Variants in SRPX observed in about 807,000 individuals in gnomAD.
The protein encoded by SRPX is sushi repeat-containing protein SRPX.
Under a neutral mutation model 38.1 loss-of-function variants are expected in SRPX, and 24 were observed. That is an observed-to-expected ratio of 0.63 (90% CI 0.46 to 0.89). The LOEUF (loss-of-function observed/expected upper bound fraction) is 0.89. Ranked by LOEUF, SRPX falls within the 40% of genes least tolerant of loss-of-function variation. SRPX has a pLI of 0.00. For missense variants in SRPX, 416 were observed against 377.8 expected (o/e 1.10, Z -0.84); for synonymous variants, 184 against 153.8 (o/e 1.20, Z -1.45).
Position 38,154,573 on chromosome X carries a change from C to T in SRPX, c.1100G>A (p.Cys367Tyr). Residue 367 changes from cysteine (C) to tyrosine (Y), a missense_variant, in exon 9 of 10, where the codon TGT becomes TAT. Cys to Tyr is a radical substitution (Grantham distance 194). Coordinates refer to ENST00000378533, the MANE Select transcript of SRPX (RefSeq NM_006307.5). ...LQLGMLQQAQ[C>Y]GLDLRHITVV... ...GGTGATGTGTCGAAGATCAAGGCCA[C>T]ACTGTGCTTGCTGGGAAAAAGAAAA... The T allele has an allele frequency of 8.3e-7, 1 of 1,208,822 alleles. No homozygotes were observed. The highest frequency in any genetic ancestry group is 1.1e-6 in the Non-Finnish European group (1 of 894,293).
chrX:38,200,035 C>T (rs1024451264), intron 1 of SRPX, among the ~76,000 whole-genome samples: 1 of 112,175 alleles, frequency 8.9e-6, no homozygotes, highest in Non-Finnish European at 1.9e-5. Context: ...TTTCAGATGT[C>T]TGCTCAAAAT....
chrX:38,175,221 C>G (rs1055497165), intron 2 of SRPX, among the ~76,000 whole-genome samples: 2 of 111,977 alleles, frequency 1.8e-5, no homozygotes, highest in African/African-American at 6.5e-5. Context: ...TGATGGGGAA[C>G]AGTGAGGAGT....
In SRPX at chrX:38,154,544, C is replaced by T. The variant is rs1938094599; in HGVS notation, c.1129G>A (p.Val377Met). The T allele has an allele frequency of 8.3e-7, 1 of 1,208,402 alleles. No homozygotes were observed. The highest frequency in any genetic ancestry group is 1.1e-6 in the Non-Finnish European group (1 of 893,923). The change falls in exon 9 of 10, where the codon GTG becomes ATG. Residue 377 changes from valine (V) to methionine (M), a missense_variant. Coordinates refer to ENST00000378533, the MANE Select transcript of SRPX (RefSeq NM_006307.5). ...GTCGGGAACACACCCACCAGCTCCA[C>T]CACGGTGATGTGTCGAAGATCAAGG... ...CGLDLRHITV[V>M]ELVGVFPTLI...
chrX:38,194,011 T>G (rs941210781), intron 1 of SRPX, among the ~76,000 whole-genome samples: 1 of 111,764 alleles, frequency 8.9e-6, no homozygotes, highest in Admixed American at 9.5e-5. Flanking sequence ...AACTGAGCTT[T>G]AATTTCCATG....
intron 3 of SRPX, 137 bp from the exon 4 acceptor site, chrX:38,172,194 C>A: frequency 1.5e-6 from 1 of 648,173 alleles, no homozygotes; most frequent in Non-Finnish European, 2.3e-6. Context: ...TGGCTCACTC[C>A]TGTAATCCCA....
chrX:38,156,143 G>T (rs976756400), intron 8 of SRPX, among the ~76,000 whole-genome samples: 16 of 111,894 alleles, frequency 1.4e-4, no homozygotes, highest in African/African-American at 5.2e-4. Context: ...CATACATCCT[G>T]CCTCTTTAGT....
intron 1 of SRPX, among the ~76,000 whole-genome samples, chrX:38,184,048 G>C (rs113785681): frequency 0.014 from 1,502 of 110,992 alleles, 36 homozygotes; most frequent in African/African-American, 0.047. Flanking sequence ...TAAGATCATC[G>C]AGGCACCAAA....
chrX:38,167,779 G>C (rs1430766867), intron 4 of SRPX, among the ~76,000 whole-genome samples: 4 of 109,681 alleles, frequency 3.6e-5, no homozygotes, highest in African/African-American at 1.3e-4. Flanking sequence ...CTTTTTTTTC[G>C]AGACAGGCTC....
chrX:38,219,793 T>C (rs1939482562), intron 1 of SRPX, among the ~76,000 whole-genome samples: 1 of 111,757 alleles, frequency 8.9e-6, no homozygotes, highest in Non-Finnish European at 1.9e-5. Context: ...TCACCCACTT[T>C]CCCATTAACA....
At chrX:38,213,166 A>C (rs1030693865) in intron 1 of SRPX, among the ~76,000 whole-genome samples, 1 of 112,153 alleles carries the variant, frequency 8.9e-6, no homozygotes, top group Non-Finnish European at 1.9e-5. Context: ...ATTGTAGGCA[A>C]ATCTATAGAG....
intron 4 of SRPX, among the ~76,000 whole-genome samples, chrX:38,171,494 G>C (rs757614136): frequency 1.8e-5 from 2 of 111,589 alleles, no homozygotes; most frequent in Non-Finnish European, 3.8e-5. Context: ...GACCACCAGA[G>C]TCAATGACAA....
At chrX:38,202,502 C>T (rs1030305826) in intron 1 of SRPX, among the ~76,000 whole-genome samples, 1 of 111,525 alleles carries the variant, frequency 9.0e-6, no homozygotes, top group Admixed American at 9.5e-5. Context: ...CCAAAGCATG[C>T]AGCAGGACAT....
chrX:38,175,413 C>T (rs1401273917), intron 2 of SRPX, among the ~76,000 whole-genome samples: 1 of 112,428 alleles, frequency 8.9e-6, no homozygotes, highest in Non-Finnish European at 1.9e-5. Context: ...GAGGATATGC[C>T]TCCAACTGCT....
chrX:38,196,979 G>A (rs1421175081), intron 1 of SRPX, among the ~76,000 whole-genome samples: 1 of 111,756 alleles, frequency 8.9e-6, no homozygotes, highest in Non-Finnish European at 1.9e-5. Flanking sequence ...AAGCCTCTAA[G>A]ACATGTGGAC....
chrX:38,211,552 T>C (rs1939320898), intron 1 of SRPX, among the ~76,000 whole-genome samples: 1 of 110,394 alleles, frequency 9.1e-6, no homozygotes, highest in African/African-American at 3.3e-5. Flanking sequence ...ACACAAAAAT[T>C]AGATAGGTGT....
In SRPX at chrX:38,174,284, T is replaced by G; in HGVS notation, c.225A>C (p.Gly75=). ...GDVYCRAPQG[G]YYKTALGTRC... Reference sequence around the variant, plus strand: ...TGGTTCCCAGGGCTGTTTTGTAGTATCCTCCTTGAGGGGCCCTGCAGTACA... The same window carrying G: ...TGGTTCCCAGGGCTGTTTTGTAGTAGCCTCCTTGAGGGGCCCTGCAGTACA... Residue 75 remains glycine, a synonymous_variant, in exon 3 of 10, where the codon GGA becomes GGC. Transcript: ENST00000378533. 1 of 1,154,577 alleles carries G rather than the reference T, an allele frequency of 8.7e-7. No homozygotes were observed.
Position 38,160,994 on chromosome X carries a change from C to T in SRPX, c.714G>A (p.Gln238=). The T allele has an allele frequency of 1.7e-6, 2 of 1,210,784 alleles. No individual in the cohort carries two copies. The highest frequency in any genetic ancestry group is 1.7e-5 in the African/African-American group (1 of 57,698). The change falls in exon 6 of 10, where the codon CAG becomes CAA. Residue 238 remains glutamine (Q), a synonymous_variant. Transcript: ENST00000378533. ...SNFPEGDHKI[Q]YTVYDRAENK... ...TCTCAGCTCTGTCATAGACTGTGTA[C>T]TGGATCTTGTGGTCTCCTTCTGGAA... is the stretch of plus-strand genomic sequence containing the variant.
intron 1 of SRPX, among the ~76,000 whole-genome samples, chrX:38,215,776 C>G (rs1345171252): frequency 8.9e-6 from 1 of 112,211 alleles, no homozygotes; most frequent in African/African-American, 3.2e-5. Context: ...GGGGGTACAG[C>G]AAGTTACCAG....
intron 1 of SRPX, among the ~76,000 whole-genome samples, chrX:38,179,127 G>C (rs1230028708): frequency 9.1e-6 from 1 of 109,577 alleles, no homozygotes; most frequent in African/African-American, 3.3e-5. Flanking sequence ...TGTATTTTTA[G>C]TAGAGACGGG....
Sources: allele counts gnomAD v4.1 joint callset (sites outside exome capture counted in the v4.1 genomes callset), GRCh38; gene constraint gnomAD v4.1.1; transcripts MANE v1.5; gene names NCBI Gene and HGNC (gene_info 2026-07-23, HGNC 2026-07-21).